Variants in SLCO6A1 observed in about 807,000 individuals in gnomAD.
The protein encoded by SLCO6A1 is solute carrier organic anion transporter family member 6A1, also known as cancer/testis antigen 48.
A neutral mutation model predicts 72.7 loss-of-function variants in SLCO6A1; 65 were observed. That is an observed-to-expected ratio of 0.89 (90% CI 0.73 to 1.10). SLCO6A1 has a LOEUF of 1.10. SLCO6A1 is among the 50% of genes least tolerant of loss of function. The pLI, the probability that SLCO6A1 is intolerant of heterozygous loss-of-function variation, is 0.00. For synonymous variants in SLCO6A1, 314 were observed against 298.2 expected (o/e 1.05, Z -0.55); for missense variants, 874 against 872.6 (o/e 1.00, Z -0.02).
chr5:102,384,493 T>A (rs1013156837), intron 12 of SLCO6A1, among the ~76,000 whole-genome samples: 1 of 152,048 alleles, frequency 6.6e-6, no homozygotes, highest in Admixed American at 6.6e-5. Flanking sequence ...TCCTTTTAAC[T>A]TTTTTATATT....
chr5:102,415,116 G>A (rs1278060192), intron 8 of SLCO6A1, among the ~76,000 whole-genome samples: 1 of 151,994 alleles, frequency 6.6e-6, no homozygotes, highest in Admixed American at 6.6e-5. Flanking sequence ...AATTAATCTT[G>A]TTAAAATGAT....
At chr5:102,466,862 G>A (rs1751339807) in intron 4 of SLCO6A1, among the ~76,000 whole-genome samples, 1 of 152,060 alleles carries the variant, frequency 6.6e-6, no homozygotes, top group Non-Finnish European at 1.5e-5. Context: ...CTTTTTAATG[G>A]AGTTGTTTGT....
intron 9 of SLCO6A1, among the ~76,000 whole-genome samples, chr5:102,402,181 C>T (rs1268707996): frequency 1.3e-5 from 2 of 151,806 alleles, no homozygotes; most frequent in Non-Finnish European, 2.9e-5. Flanking sequence ...GTATGACCAC[C>T]GAAGGACATT....
intron 11 of SLCO6A1, among the ~76,000 whole-genome samples, chr5:102,389,572 T>A (rs1746630669): frequency 6.6e-6 from 1 of 151,798 alleles, no homozygotes; most frequent in Admixed American, 6.6e-5. Context: ...AAATGACTCT[T>A]GATTCTTGCC....
At chr5:102,456,867 A>AGTACCAAAACAGCATGGTACTG (rs1750748255) in intron 6 of SLCO6A1, among the ~76,000 whole-genome samples, 1 of 152,224 alleles carries the variant, frequency 6.6e-6, no homozygotes, top group African/African-American at 2.4e-5. Context: ...ACAAGGCTAC[A>AGTACCAAAACAGCATGGTACTG]GTACCAAAAC....
At chr5:102,377,647 C>A (rs1316222595) in intron 12 of SLCO6A1, among the ~76,000 whole-genome samples, 4 of 150,544 alleles carry the variant, frequency 2.7e-5, no homozygotes, top group East Asian at 3.9e-4. Context: ...ATATATATAT[C>A]TATAGATATA....
intron 12 of SLCO6A1, among the ~76,000 whole-genome samples, chr5:102,375,874 T>A (rs1184661741): frequency 6.6e-6 from 1 of 152,086 alleles, no homozygotes; most frequent in Non-Finnish European, 1.5e-5. Flanking sequence ...ATATTTTGAA[T>A]GGTGATGTCC....
At chr5:102,459,565 T>C in intron 5 of SLCO6A1, 91 bp downstream of exon 5, 2 of 1,349,558 alleles carry the variant, frequency 1.5e-6, no homozygotes, top group Non-Finnish European at 2.0e-6. Flanking sequence ...CTCATTTTAT[T>C]AAAAATGTAA....
At chr5:102,470,471 T>C (rs1439040887) in intron 4 of SLCO6A1, among the ~76,000 whole-genome samples, 2 of 152,198 alleles carry the variant, frequency 1.3e-5, no homozygotes, top group South Asian at 2.1e-4. Context: ...TATTCTCTGA[T>C]GGTAGTTTGT....
chr5:102,492,033 AAG>A (rs1188999133), intron 1 of SLCO6A1, among the ~76,000 whole-genome samples: 1 of 152,198 alleles, frequency 6.6e-6, no homozygotes, highest in Non-Finnish European at 1.5e-5. Flanking sequence ...GAGAAGGAGG[AAG>A]AGAGTGAAGG....
rs1554065639 is a variant in SLCO6A1, at chr5:102,389,456, C to CCA, written c.1880-633_1880-632dup. On this transcript the variant is annotated intron_variant, in intron 11 of 13. Coordinates refer to ENST00000506729, the MANE Select transcript of SLCO6A1 (RefSeq NM_173488.5). ...CAGTCACACACCCCGCCCCCCACCC[C>CCA]CACACACACAGAGTTGCCCCCAAAC... 4.0e-3 allele frequency among the ~76,000 whole-genome samples: 324 copies of CCA among 81,700 alleles called. 5 individuals are homozygous for CCA. Among genetic ancestry groups the CCA allele is most frequent in the African/African-American group, 7.6e-3 (174 of 22,852 alleles). The allele number at this position is 81,700 out of a possible 152,430, so 53.6% of individuals were successfully genotyped here. A position where few individuals can be genotyped will look rare whatever the true frequency, so the allele number is the denominator to read the frequency against.
chr5:102,442,232 T>C (rs1203949287), intron 6 of SLCO6A1, among the ~76,000 whole-genome samples: 1 of 152,184 alleles, frequency 6.6e-6, no homozygotes, highest in Non-Finnish European at 1.5e-5. Context: ...GGCAGATTTC[T>C]GGATTTAGAG....
intron 8 of SLCO6A1, 109 bp from the exon 9 acceptor site, chr5:102,413,252 T>A: frequency 5.4e-6 from 6 of 1,118,508 alleles, no homozygotes; most frequent in Non-Finnish European, 7.4e-6. Flanking sequence ...AAATAATTTC[T>A]TTTTTTAACA....
intron 8 of SLCO6A1, among the ~76,000 whole-genome samples, chr5:102,419,125 C>T (rs1224127420): frequency 6.6e-6 from 1 of 152,158 alleles, no homozygotes; most frequent in African/African-American, 2.4e-5. Flanking sequence ...GTTGCCCCTC[C>T]TCTCCATGGT....
intron 10 of SLCO6A1, among the ~76,000 whole-genome samples, chr5:102,393,914 G>C (rs1746913149): frequency 6.6e-6 from 1 of 152,256 alleles, no homozygotes; most frequent in East Asian, 1.9e-4. Context: ...CACTGCTTCA[G>C]ATTTCAGCAA....
chr5:102,405,981 T>C (rs1388078185), intron 9 of SLCO6A1, among the ~76,000 whole-genome samples: 3 of 152,076 alleles, frequency 2.0e-5, no homozygotes, highest in Non-Finnish European at 4.4e-5. Flanking sequence ...TAATTCTAAA[T>C]AGACTGTGAA....
intron 6 of SLCO6A1, among the ~76,000 whole-genome samples, chr5:102,444,652 G>GA (rs530925274): frequency 8.6e-5 from 13 of 151,962 alleles, no homozygotes; most frequent in East Asian, 7.7e-4. Context: ...TTTATTTTCA[G>GA]AAAAAACAGT....
At position 102,498,886 on chromosome 5, in the gene SLCO6A1, C is replaced by T. The variant is rs1753043821; in HGVS notation, c.-42G>A. ...CTCCTGGCGACGCGGCCCGAGTGCT[C>T]TCGGCTGCCCGTCCTGCCTGGGCCA... On this transcript the variant is annotated 5_prime_UTR_variant, in exon 1 of 14. Coordinates refer to ENST00000506729, the MANE Select transcript of SLCO6A1 (RefSeq NM_173488.5). The T allele has an allele frequency of 8.4e-6, 13 of 1,547,766 alleles. No homozygotes were observed. Among genetic ancestry groups the T allele is most frequent in the Non-Finnish European group, 1.1e-5 (13 of 1,148,338 alleles).
chr5:102,453,705 T>G (rs542717433), intron 6 of SLCO6A1, among the ~76,000 whole-genome samples: 1 of 152,320 alleles, frequency 6.6e-6, no homozygotes, highest in East Asian at 1.9e-4. Context: ...CTATGTTCTA[T>G]TTTTAATTAT....
Sources: allele counts gnomAD v4.1 joint callset (sites outside exome capture counted in the v4.1 genomes callset), GRCh38; gene constraint gnomAD v4.1.1; transcripts MANE v1.5; gene names NCBI Gene and HGNC (gene_info 2026-07-23, HGNC 2026-07-21).